KCTD5: variants seen among roughly 807,000 people sequenced by gnomAD.
KCTD5 encodes the protein potassium channel tetramerization domain containing 5.
In KCTD5, 12 loss-of-function variants were observed where a neutral mutation model predicts 27.9. That is an observed-to-expected ratio of 0.43 (90% CI 0.28 to 0.70). The LOEUF (loss-of-function observed/expected upper bound fraction) is 0.70, where lower values mean the gene tolerates loss of function less well. KCTD5 is among the 30% of genes least tolerant of loss of function. The pLI, the probability that KCTD5 is intolerant of heterozygous loss-of-function variation, is 0.19. For synonymous variants in KCTD5, 147 were observed against 121.4 expected (o/e 1.21, Z -1.39); for missense variants, 226 against 274.8 (o/e 0.82, Z 1.26).
At chr16:2,692,405 G>A (rs78577892) in intron 1 of KCTD5, among the ~76,000 whole-genome samples, 4,540 of 152,282 alleles carry the variant, frequency 0.03, 234 homozygotes, top group African/African-American at 0.1. Flanking sequence ...GGCTCATTCA[G>A]TTGGCAGCTC....
rs1453289641 is a variant in KCTD5, at chr16:2,707,724, C to T, written c.*397C>T. 3 of 483,726 alleles carry T rather than the reference C, an allele frequency of 6.2e-6. No homozygotes were observed. Among genetic ancestry groups the T allele is most frequent in the South Asian group, 3.1e-5 (1 of 31,972 alleles). The allele number at this position is 483,726 out of a possible 1,614,324, so 30.0% of individuals were successfully genotyped here. A position where few individuals can be genotyped will look rare whatever the true frequency, so the allele number is the denominator to read the frequency against. ...CACTGGCAGGAAGCGGCCGCAGCCG[C>T]GTCAGTGTCCAGCACGTCGTGGCCT... On this transcript the variant is annotated 3_prime_UTR_variant, in exon 6 of 6. Coordinates refer to ENST00000301738, the MANE Select transcript of KCTD5 (RefSeq NM_018992.4).
At chr16:2,689,426 G>A (rs1190749579) in intron 1 of KCTD5, among the ~76,000 whole-genome samples, 3 of 113,930 alleles carry the variant, frequency 2.6e-5, no homozygotes, top group Non-Finnish European at 3.7e-5. Flanking sequence ...ATGCCTTCGC[G>A]TCTAGATTTC....
chr16:2,700,014 T>A, intron 4 of KCTD5, 98 bp downstream of exon 4: 2 of 1,124,164 alleles, frequency 1.8e-6, no homozygotes, highest in Non-Finnish European at 2.6e-6. Context: ...CAGACTTTGC[T>A]GCTGGCGTCT....
chr16:2,688,471 G>C (rs149315554), intron 1 of KCTD5, among the ~76,000 whole-genome samples: 1 of 151,952 alleles, frequency 6.6e-6, no homozygotes, highest in African/African-American at 2.4e-5. Flanking sequence ...GGCTGGTCTC[G>C]AACTCCTGAC....
At chr16:2,703,905 C>T (rs780016325) in intron 5 of KCTD5, among the ~76,000 whole-genome samples, 81 of 152,200 alleles carry the variant, frequency 5.3e-4, no homozygotes, top group Non-Finnish European at 9.4e-4. Flanking sequence ...AGAGCCCCAG[C>T]TCAGTCACAA....
intron 1 of KCTD5, among the ~76,000 whole-genome samples, chr16:2,688,238 T>A (rs2067550115): frequency 1.1e-5 from 1 of 87,956 alleles, no homozygotes; most frequent in Admixed American, 1.2e-4. Flanking sequence ...AATATATATA[T>A]ATATATATTT....
Position 2,707,209 on chromosome 16 carries a change from G to C in KCTD5, c.676-89G>C, listed in dbSNP as rs574872997. 8 of 1,313,006 alleles carry C rather than the reference G, an allele frequency of 6.1e-6. No homozygotes were observed. The East Asian group carries it at 1.9e-4, about 30-fold the overall frequency. The allele number at this position is 1,313,006 out of a possible 1,614,324, so 81.3% of individuals were successfully genotyped here. On this transcript the variant is annotated intron_variant, in intron 5 of 5. Coordinates refer to ENST00000301738, the MANE Select transcript of KCTD5 (RefSeq NM_018992.4). ...CCGGGGCTCCCCGAGCTAACCCCAGGCCTGTGGGCTCTGTTTTCTGGAGCA... is the reference window on the plus strand; with the variant it reads ...CCGGGGCTCCCCGAGCTAACCCCAGCCCTGTGGGCTCTGTTTTCTGGAGCA...
intron 4 of KCTD5, among the ~76,000 whole-genome samples, chr16:2,701,033 G>T (rs1318215066): frequency 6.6e-6 from 1 of 152,142 alleles, no homozygotes; most frequent in Non-Finnish European, 1.5e-5. Context: ...TGGGGCTGGG[G>T]CCCTGGGAAG....
chr16:2,688,149 G>A (rs1393782593), intron 1 of KCTD5, among the ~76,000 whole-genome samples: 1 of 151,328 alleles, frequency 6.6e-6, no homozygotes, highest in Non-Finnish European at 1.5e-5. Context: ...CCAGGTCAGT[G>A]CAGTCAGGAG....
chr16:2,689,833 G>C (rs2067557434), intron 1 of KCTD5, among the ~76,000 whole-genome samples: 1 of 152,192 alleles, frequency 6.6e-6, no homozygotes, highest in South Asian at 2.1e-4. Flanking sequence ...CCTCCACCAT[G>C]CCTGGCTAAT....
chr16:2,700,094 C>T (rs1008053297), intron 4 of KCTD5, among the ~76,000 whole-genome samples, 178 bp downstream of exon 4: 6 of 152,168 alleles, frequency 3.9e-5, no homozygotes, highest in African/African-American at 7.2e-5. Context: ...CTTGGGAGTT[C>T]GGGTGGGGTG....
At chr16:2,687,107 G>A (rs1309083483) in intron 1 of KCTD5, among the ~76,000 whole-genome samples, 1 of 152,234 alleles carries the variant, frequency 6.6e-6, no homozygotes, top group African/African-American at 2.4e-5. Context: ...CCCCACTGCA[G>A]CAGGTGCTGG....
In KCTD5 at chr16:2,707,410, G is replaced by T; in HGVS notation, c.*83G>T. The T allele has an allele frequency of 7.2e-7, 1 of 1,381,480 alleles. No homozygotes were observed. The allele number at this position is 1,381,480 out of a possible 1,614,324, so 85.6% of individuals were successfully genotyped here. A position where few individuals can be genotyped will look rare whatever the true frequency, so the allele number is the denominator to read the frequency against. Reference sequence around the variant, plus strand: ...TGCCATGTCCAGGAAGCTTGGCTGTGAGAAGAAACCTGCTTTTGATCATTT... The same window carrying T: ...TGCCATGTCCAGGAAGCTTGGCTGTTAGAAGAAACCTGCTTTTGATCATTT... On this transcript the variant is annotated 3_prime_UTR_variant, in exon 6 of 6. Coordinates refer to ENST00000301738, the MANE Select transcript of KCTD5 (RefSeq NM_018992.4).
chr16:2,697,376 A>G, intron 2 of KCTD5: 3 of 154,440 alleles, frequency 1.9e-5, no homozygotes, highest in Admixed American at 6.4e-5. Context: ...TGACCCTCTC[A>G]GCCAGCCACA....
intron 1 of KCTD5, among the ~76,000 whole-genome samples, chr16:2,691,028 C>A (rs553873809): frequency 6.6e-6 from 1 of 152,208 alleles, no homozygotes; most frequent in East Asian, 1.9e-4. Context: ...CACGAGTAGC[C>A]CCCGCACACA....
rs1302980196 is a variant in KCTD5, at chr16:2,682,589, G to T, written c.41G>T (p.Gly14Val). 2.1e-6 allele frequency: 3 copies of T among 1,422,232 alleles called. No homozygotes were observed. Among genetic ancestry groups the T allele is most frequent in the Non-Finnish European group, 2.7e-6 (3 of 1,092,946 alleles). 88.1% of individuals were successfully genotyped at this position (1,422,232 alleles called of 1,614,324 possible). A position where few individuals can be genotyped will look rare whatever the true frequency, so the allele number is the denominator to read the frequency against. Residue 14 changes from glycine (G) to valine (V), a missense_variant, in exon 1 of 6, where the codon GGC becomes GTC. This residue lies in a region of KCTD5 where 91 missense variants were observed against 67.8 expected (regional missense o/e 1.34). Transcript: ENST00000301738. ...TGCGAGCTCCTGTCGCCGGCCCGGG[G>T]CGGCATCGGGGCGGGGCTGGGGGGC... The part of the protein sequence containing the change: ...NHCELLSPAR[G>V]GIGAGLGGGL...
At chr16:2,696,721 C>T (rs1371297358) in intron 2 of KCTD5, among the ~76,000 whole-genome samples, 3 of 152,242 alleles carry the variant, frequency 2.0e-5, no homozygotes, top group East Asian at 1.9e-4. Flanking sequence ...CGTCTGACTC[C>T]GTTTCTGTTC....
intron 5 of KCTD5, among the ~76,000 whole-genome samples, chr16:2,703,395 G>A (rs564721433): frequency 2.2e-4 from 33 of 152,246 alleles, no homozygotes; most frequent in Non-Finnish European, 3.8e-4. Context: ...GAGCCAGCCT[G>A]GGGCGAAGGC....
At chr16:2,682,928 G>A in intron 1 of KCTD5, 128 bp downstream of exon 1, 4 of 1,203,258 alleles carry the variant, frequency 3.3e-6, no homozygotes, top group East Asian at 3.1e-5. Context: ...CGAGCCCCGC[G>A]CTCCCTTGTC....
Sources: gnomAD v4.1 joint callset for allele counts (sites outside exome capture counted in the v4.1 genomes callset) on GRCh38, gnomAD v4.1.1 for gene constraint, gnomAD v4.1.1 regional missense constraint, MANE v1.5 for transcripts, NCBI Gene and HGNC (gene_info 2026-07-23, HGNC 2026-07-21) for gene names.